MET: variants seen among roughly 807,000 people sequenced by gnomAD.
The protein encoded by MET is MET proto-oncogene, receptor tyrosine kinase.
In MET, 48 loss-of-function variants were observed where a neutral mutation model predicts 133.1. The ratio of observed to expected loss-of-function variants is 0.36; its 90% confidence interval spans 0.29 to 0.46. The LOEUF is 0.46. Ranked by LOEUF, MET falls within the 20% of genes least tolerant of loss-of-function variation. MET has a pLI of 1.00. For synonymous variants in MET, 628 were observed against 616.5 expected (o/e 1.02, Z -0.28); for missense variants, 1,442 against 1,695.9 (o/e 0.85, Z 2.63).
intron 11 of MET, among the ~76,000 whole-genome samples, chr7:116,767,974 ATGTGTGTGTGTG>A (rs36013546): frequency 4.3e-5 from 6 of 140,198 alleles, no homozygotes; most frequent in Non-Finnish European, 7.7e-5. Context: ...ATATATATAT[ATGTGTGTGTGTG>A]TGTGTGTGTG....
At chr7:116,732,112 T>C (rs1311728402) in intron 3 of MET, among the ~76,000 whole-genome samples, 1 of 152,104 alleles carries the variant, frequency 6.6e-6, no homozygotes, top group Non-Finnish European at 1.5e-5. Flanking sequence ...TGGTGTGGCA[T>C]TTTTTTTCCA....
rs111699200 is a variant in MET at position 116,785,096 on chromosome 7, G to A, written c.3798+1627G>A. Among the ~76,000 whole-genome samples, 185 of 152,294 alleles carry A rather than the reference G, an allele frequency of 1.2e-3. 2 individuals are homozygous for A. The highest frequency in any genetic ancestry group is 4.3e-3 in the African/African-American group (180 of 41,568). On this transcript the variant is annotated intron_variant, in intron 19 of 20. Coordinates refer to ENST00000397752, the MANE Select transcript of MET (RefSeq NM_000245.4). ...TCCAAAATAATTTTTTTGACTCCAT[G>A]TCTCATATCCAGGGCACGCTGATGC...
intron 2 of MET, among the ~76,000 whole-genome samples, chr7:116,725,648 C>T (rs1281330823): frequency 6.6e-6 from 1 of 151,414 alleles, no homozygotes; most frequent in African/African-American, 2.4e-5. Flanking sequence ...ACCTTTTGCT[C>T]CTAGGCAACA....
At position 116,798,048 on chromosome 7, in the gene MET, T is replaced by C. The variant is rs1365247381; in HGVS notation, c.*1924T>C. On this transcript the variant is annotated 3_prime_UTR_variant, in exon 21 of 21. Coordinates refer to ENST00000397752, the MANE Select transcript of MET (RefSeq NM_000245.4). ...TTCACAGAGTATTGTAAATGGTGGA[T>C]GACAAAAGAAAATCTGCTCTGTGGA... 4 of 221,468 alleles carry C rather than the reference T, an allele frequency of 1.8e-5. No individual in the cohort carries two copies. The highest frequency in any genetic ancestry group is 3.6e-5 in the Non-Finnish European group (4 of 110,444). 13.7% of individuals were successfully genotyped at this position (221,468 alleles called of 1,614,324 possible).
rs142954535 is a variant in MET, at chr7:116,714,745, GCACACACACACA to G, written c.1200+14482_1200+14493del. ...TATACAGTTAAACACTCACATGCAC[GCACACACACACA>G]CACACACACACACACACACAGGCCA... On this transcript the variant is annotated intron_variant, in intron 2 of 20. Transcript: ENST00000397752. Among the ~76,000 whole-genome samples the G allele has an allele frequency of 1.7e-4, 24 of 145,018 alleles. 1 individual carries two copies. The highest frequency in any genetic ancestry group is 3.5e-4 in the Admixed American group (5 of 14,486).
intron 1 of MET, among the ~76,000 whole-genome samples, chr7:116,681,596 T>C (rs1274827408): frequency 1.3e-5 from 2 of 152,230 alleles, no homozygotes; most frequent in African/African-American, 4.8e-5. Flanking sequence ...ATTTAGACAG[T>C]GATATAAAGA....
chr7:116,724,358 G>A (rs998393632), intron 2 of MET: 37 of 273,204 alleles, frequency 1.4e-4, no homozygotes, highest in African/African-American at 6.8e-4. Flanking sequence ...ACTGACCTGC[G>A]CCCACTGTCT....
intron 5 of MET, among the ~76,000 whole-genome samples, chr7:116,752,069 AAAAG>A (rs1054187045): frequency 2.0e-5 from 3 of 152,124 alleles, no homozygotes; most frequent in Non-Finnish European, 2.9e-5. Flanking sequence ...TCAATAAAAA[AAAAG>A]AAAGAAAGAA....
At chr7:116,734,132 C>T (rs1427687115) in intron 3 of MET, among the ~76,000 whole-genome samples, 1 of 152,194 alleles carries the variant, frequency 6.6e-6, no homozygotes, top group African/African-American at 2.4e-5. Flanking sequence ...GTTTTGACTG[C>T]ACCACAGTGT....
At chr7:116,780,298 G>A (rs1286463225) in intron 17 of MET, among the ~76,000 whole-genome samples, 4 of 151,986 alleles carry the variant, frequency 2.6e-5, no homozygotes, top group Non-Finnish European at 4.4e-5. Flanking sequence ...CTCTGTGGGA[G>A]GTAATGAAGT....
chr7:116,746,849 A>T (rs1253747931), intron 5 of MET, among the ~76,000 whole-genome samples: 1 of 152,206 alleles, frequency 6.6e-6, no homozygotes, highest in Non-Finnish European at 1.5e-5. Flanking sequence ...TAATGGGTGC[A>T]GCACACCAAC....
intron 5 of MET, among the ~76,000 whole-genome samples, chr7:116,742,969 G>A (rs1356424482): frequency 1.3e-5 from 2 of 152,200 alleles, no homozygotes; most frequent in Admixed American, 6.5e-5. Flanking sequence ...GAACAGCTCC[G>A]GTCTGCAGCT....
chr7:116,718,789 A>C (rs1411179958), intron 2 of MET, among the ~76,000 whole-genome samples: 8 of 148,190 alleles, frequency 5.4e-5, no homozygotes, highest in African/African-American at 2.0e-4. Flanking sequence ...GATGATTTCC[A>C]ATTTCATCCA....
intron 11 of MET, among the ~76,000 whole-genome samples, chr7:116,765,286 CAAAAAAAAAA>C (rs754418396): frequency 6.3e-5 from 2 of 31,892 alleles, no homozygotes; most frequent in South Asian, 2.2e-3. Flanking sequence ...GGAGACAGAG[CAAAAAAAAAA>C]AAAAAAAAAA....
intron 2 of MET, among the ~76,000 whole-genome samples, chr7:116,731,248 C>T (rs1792991767): frequency 6.6e-6 from 1 of 152,162 alleles, no homozygotes; most frequent in African/African-American, 2.4e-5. Context: ...CAAGAATGCA[C>T]AAAGGCACAC....
intron 2 of MET, among the ~76,000 whole-genome samples, chr7:116,702,544 A>T (rs761725546): frequency 3.9e-5 from 6 of 152,126 alleles, no homozygotes; most frequent in Non-Finnish European, 8.8e-5. Context: ...GTTTAGCAGG[A>T]CTCTCAAGCA....
At chr7:116,723,112 G>T (rs1391590759) in intron 2 of MET, among the ~76,000 whole-genome samples, 1 of 135,642 alleles carries the variant, frequency 7.4e-6, no homozygotes, top group East Asian at 2.1e-4. Context: ...ATCACTTTCA[G>T]GTACACCAAT....
At position 116,779,098 on chromosome 7, in the gene MET, A is replaced by G. The variant is rs1795079116; in HGVS notation, c.3522+141A>G. On this transcript the variant is annotated intron_variant, in intron 17 of 20. Coordinates refer to ENST00000397752, the MANE Select transcript of MET (RefSeq NM_000245.4). ...TGTTAGCATCATTCAAATGCACCTC[A>G]AAGTCTTCTATCCTGGTGGGAAATA... 4 of 843,388 alleles carry G rather than the reference A, an allele frequency of 4.7e-6. No homozygotes were observed. In the Admixed American group the frequency reaches 9.0e-5, roughly 19 times the overall value. The allele number at this position is 843,388 out of a possible 1,614,324, so 52.2% of individuals were successfully genotyped here.
intron 5 of MET, among the ~76,000 whole-genome samples, chr7:116,752,452 C>T (rs893423433): frequency 3.3e-4 from 50 of 152,328 alleles, no homozygotes; most frequent in African/African-American, 1.2e-3. Context: ...GCCGGACGCT[C>T]ATTTCCTGCC....
Sources: allele counts gnomAD v4.1 joint callset (sites outside exome capture counted in the v4.1 genomes callset), GRCh38; gene constraint gnomAD v4.1.1; transcripts MANE v1.5; gene names NCBI Gene and HGNC (gene_info 2026-07-23, HGNC 2026-07-21).